The following HIP1 variants were observed in gnomAD, a reference collection of about 807,000 sequenced individuals.
HIP1 encodes huntingtin-interacting protein 1.
A neutral mutation model predicts 147.6 loss-of-function variants in HIP1; 65 were observed. That is an observed-to-expected ratio of 0.44 (90% CI 0.36 to 0.54). The LOEUF is 0.54. Ranked by LOEUF, HIP1 falls within the 20% of genes least tolerant of loss-of-function variation. HIP1 has a pLI of 0.00. For synonymous variants in HIP1, 479 were observed against 504.0 expected, an observed-to-expected ratio of 0.95 and a Z score of 0.67; for missense variants, 1,061 against 1,299.6, an observed-to-expected ratio of 0.82 and a Z score of 2.82.
At chr7:75,553,299 C>A (rs1794857188) in intron 22 of HIP1, among the ~76,000 whole-genome samples, 154 bp downstream of exon 22, 1 of 152,074 alleles carries the variant, frequency 6.6e-6, no homozygotes, top group Non-Finnish European at 1.5e-5. Context: ...AATCACTGCA[C>A]CCGGCCAGAT....
intron 1 of HIP1, among the ~76,000 whole-genome samples, chr7:75,692,141 C>G (rs576962668): frequency 3.3e-5 from 5 of 152,280 alleles, no homozygotes; most frequent in East Asian, 3.9e-4. Flanking sequence ...GTTGTCTCCC[C>G]CCGTCCCAAT....
chr7:75,641,985 C>T (rs1328422815), intron 1 of HIP1, among the ~76,000 whole-genome samples: 1 of 152,192 alleles, frequency 6.6e-6, no homozygotes, highest in Non-Finnish European at 1.5e-5. Flanking sequence ...ATTGACTATT[C>T]CTTCCCTGGA....
intron 5 of HIP1, among the ~76,000 whole-genome samples, chr7:75,584,567 C>T (rs587762842): frequency 3.3e-5 from 5 of 152,248 alleles, no homozygotes; most frequent in South Asian, 2.1e-4. Context: ...TCCAAGCCCA[C>T]GTGACCATTC....
At position 75,581,147 on chromosome 7, in the gene HIP1, C is replaced by G; in HGVS notation, c.604+90G>C. 8 of 979,536 alleles carry G rather than the reference C, an allele frequency of 8.2e-6. No homozygotes were observed. The South Asian group carries it at 1.1e-4, about 14-fold the overall frequency. 60.7% of individuals were successfully genotyped at this position (979,536 alleles called of 1,614,324 possible). ...GTGTGAATGTCTCCATTTTCCTACC[C>G]CTTGTGCTGCACACTTTGCAGGGAG... On this transcript the variant is annotated intron_variant, in intron 7 of 30. Transcript: ENST00000336926.
intron 9 of HIP1, among the ~76,000 whole-genome samples, chr7:75,566,211 G>A (rs1420933368): frequency 2.0e-5 from 3 of 148,480 alleles, no homozygotes; most frequent in South Asian, 2.1e-4. Flanking sequence ...TAGTAGAGAC[G>A]GGGTTTCACC....
chr7:75,607,420 G>A (rs1414859224), intron 1 of HIP1, among the ~76,000 whole-genome samples: 1 of 150,736 alleles, frequency 6.6e-6, no homozygotes, highest in Non-Finnish European at 1.5e-5. Flanking sequence ...GTAGAGATGG[G>A]ATTTCACCAT....
chr7:75,671,575 A>T (rs1799730542), intron 1 of HIP1, among the ~76,000 whole-genome samples: 1 of 152,114 alleles, frequency 6.6e-6, no homozygotes, highest in South Asian at 2.1e-4. Context: ...TTTGGGTATA[A>T]ACCCACAAGT....
intron 1 of HIP1, among the ~76,000 whole-genome samples, chr7:75,639,926 G>T (rs1232634708): frequency 6.6e-6 from 1 of 152,144 alleles, no homozygotes; most frequent in Non-Finnish European, 1.5e-5. Context: ...CCCCTCCCAC[G>T]TGAGCCACAG....
At chr7:75,555,977 C>T (rs782479578) in intron 18 of HIP1, 49 bp downstream of exon 18, 3 of 1,605,340 alleles carry the variant, frequency 1.9e-6, no homozygotes, top group South Asian at 1.1e-5. Flanking sequence ...CGCAGAGGCC[C>T]TCGGTGGGAA....
At chr7:75,690,882 T>TAGA (rs1800428691) in intron 1 of HIP1, among the ~76,000 whole-genome samples, 1 of 152,004 alleles carries the variant, frequency 6.6e-6, no homozygotes, top group African/African-American at 2.4e-5. Context: ...AAGTTAAACG[T>TAGA]AGAATTGCTA....
At chr7:75,596,235 CAAA>C (rs10658504) in intron 2 of HIP1, among the ~76,000 whole-genome samples, 2 of 59,590 alleles carry the variant, frequency 3.4e-5, no homozygotes. Flanking sequence ...GACCCTGCCT[CAAA>C]AAAAAAAAAA....
intron 4 of HIP1, 99 bp downstream of exon 4, chr7:75,591,957 T>C (rs1486068708): frequency 1.0e-6 from 1 of 963,304 alleles, no homozygotes; most frequent in East Asian, 2.4e-5. Context: ...CTCAACAAGC[T>C]GAAGGAGATG....
At chr7:75,599,538 T>G (rs1796893999) in intron 1 of HIP1, among the ~76,000 whole-genome samples, 1 of 152,164 alleles carries the variant, frequency 6.6e-6, no homozygotes, top group Non-Finnish European at 1.5e-5. Flanking sequence ...ACATGGCAAT[T>G]AAAGCCCGCA....
At chr7:75,555,109 C>T (rs1794939770) in intron 19 of HIP1, among the ~76,000 whole-genome samples, 1 of 140,236 alleles carries the variant, frequency 7.1e-6, no homozygotes, top group Non-Finnish European at 1.5e-5. Flanking sequence ...ATTGTGTGAG[C>T]CCAGGAAGCG....
rs1584849163 is a variant in HIP1 at position 75,592,633 on chromosome 7, C to T, written c.185-119G>A. On this transcript the variant is annotated intron_variant, in intron 2 of 30. Coordinates refer to ENST00000336926, the MANE Select transcript of HIP1 (RefSeq NM_005338.7). Reference sequence around the variant, plus strand: ...ACCCAGCCATCACAGGGGATAGAGGCTGCACCCAGCCACTGCAGGGGACCA... The same window carrying T: ...ACCCAGCCATCACAGGGGATAGAGGTTGCACCCAGCCACTGCAGGGGACCA... The T allele has an allele frequency of 2.9e-6, 3 of 1,032,838 alleles. No individual in the cohort carries two copies. The Admixed American group carries it at 8.7e-5, about 30-fold the overall frequency. 64.0% of individuals were successfully genotyped at this position (1,032,838 alleles called of 1,614,324 possible).
At chr7:75,663,322 G>C (rs782389820) in intron 1 of HIP1, among the ~76,000 whole-genome samples, 2 of 152,124 alleles carry the variant, frequency 1.3e-5, no homozygotes, top group Non-Finnish European at 2.9e-5. Flanking sequence ...GTCCAGACCA[G>C]GAGGGGTGGC....
intron 1 of HIP1, among the ~76,000 whole-genome samples, chr7:75,692,144 G>A (rs529898924): frequency 2.0e-5 from 3 of 152,024 alleles, no homozygotes; most frequent in Admixed American, 6.6e-5. Flanking sequence ...GTCTCCCCCC[G>A]TCCCAATTCC....
chr7:75,548,030 G>T (rs1163324253), intron 23 of HIP1, among the ~76,000 whole-genome samples: 1 of 151,764 alleles, frequency 6.6e-6, no homozygotes, highest in African/African-American at 2.4e-5. Context: ...TGTGATCCGT[G>T]TCATTTTGTT....
intron 22 of HIP1, 133 bp from the exon 23 acceptor site, chr7:75,549,134 G>C: frequency 6.5e-6 from 1 of 152,742 alleles, no homozygotes; most frequent in South Asian, 1.0e-4. Flanking sequence ...CAGGGGTTGT[G>C]GGGGGGTCTT....
Sources: allele counts gnomAD v4.1 joint callset (sites outside exome capture counted in the v4.1 genomes callset), GRCh38; gene constraint gnomAD v4.1.1; transcripts MANE v1.5; gene names NCBI Gene and HGNC (gene_info 2026-07-23, HGNC 2026-07-21).